RBMS2: variants seen among roughly 807,000 people sequenced by gnomAD.
RBMS2 encodes the protein RNA-binding motif, single-stranded-interacting protein 2.
RBMS2 carries 38 observed loss-of-function variants against 58.4 expected under a neutral mutation model. The ratio of observed to expected loss-of-function variants is 0.65; its 90% CI spans 0.50 to 0.85. The LOEUF is 0.85. Among genes scored for constraint, RBMS2 ranks in the 40% least tolerant of loss-of-function variants. The pLI is 0.00. For synonymous variants in RBMS2, 151 were observed against 180.7 expected (o/e 0.84, Z 1.32); for missense variants, 367 against 503.7 (o/e 0.73, Z 2.60).
At chr12:56,549,202 C>T (rs1336352935) in intron 1 of RBMS2, among the ~76,000 whole-genome samples, 1 of 152,034 alleles carries the variant, frequency 6.6e-6, no homozygotes, top group Non-Finnish European at 1.5e-5. Flanking sequence ...ACCATGTTGA[C>T]CAGGCTGGTC....
chr12:56,551,461 G>A (rs1410380252), intron 1 of RBMS2, among the ~76,000 whole-genome samples: 2 of 152,154 alleles, frequency 1.3e-5, no homozygotes, highest in Non-Finnish European at 2.9e-5. Flanking sequence ...AAAGAAATAT[G>A]TAAAGAAATC....
chr12:56,541,214 A>G (rs767685651), intron 1 of RBMS2, among the ~76,000 whole-genome samples: 11 of 152,166 alleles, frequency 7.2e-5, no homozygotes, highest in Non-Finnish European at 1.5e-4. Context: ...TTTTTAAAAA[A>G]TTGAGTAAAC....
chr12:56,564,389 G>C (rs1880969354), intron 2 of RBMS2, among the ~76,000 whole-genome samples: 1 of 151,774 alleles, frequency 6.6e-6, no homozygotes, highest in Non-Finnish European at 1.5e-5. Flanking sequence ...TTCTTTTTAA[G>C]ACAGGATCTT....
chr12:56,549,517 CAT>C (rs1877852904), intron 1 of RBMS2, among the ~76,000 whole-genome samples: 1 of 152,088 alleles, frequency 6.6e-6, no homozygotes, highest in Admixed American at 6.6e-5. Context: ...AGACAGGAAA[CAT>C]GAAGTTTCTG....
At chr12:56,565,938 G>A (rs1381060327) in intron 2 of RBMS2, among the ~76,000 whole-genome samples, 3 of 152,144 alleles carry the variant, frequency 2.0e-5, no homozygotes, top group Non-Finnish European at 4.4e-5. Context: ...CAAAGTCTCA[G>A]CTGCTAGACC....
intron 8 of RBMS2, 28 bp downstream of exon 8, chr12:56,581,907 G>A (rs1465401139): frequency 6.2e-7 from 1 of 1,610,436 alleles, no homozygotes; most frequent in Non-Finnish European, 8.5e-7. Flanking sequence ...CAAGCCACCT[G>A]AAAATGATAA....
intron 9 of RBMS2, among the ~76,000 whole-genome samples, chr12:56,586,003 C>T (rs1884613955): frequency 6.6e-6 from 1 of 151,736 alleles, no homozygotes; most frequent in African/African-American, 2.4e-5. Flanking sequence ...GGCAACATGG[C>T]GAAACCCCGT....
chr12:56,581,376 C>T lies in RBMS2; in HGVS notation c.623-23C>T, dbSNP rs375210723. On this transcript the variant is annotated intron_variant, in intron 6 of 13. Transcript: ENST00000262031. ...GCCACATGAGGTGGGACTCAGCTGC[C>T]CATCTGCCTTCTCTCTCGGCAGCCC... The T allele has an allele frequency of 6.2e-6, 10 of 1,611,982 alleles. No individual in the cohort carries two copies. In the African/African-American group the frequency reaches 1.2e-4, roughly 19 times the overall value.
Position 56,590,337 on chromosome 12 carries a change from A to G in RBMS2, c.*1204A>G, listed in dbSNP as rs1381376308. The G allele has an allele frequency of 1.3e-5, 2 of 152,158 alleles. No individual in the cohort carries two copies. Among genetic ancestry groups the G allele is most frequent in the African/African-American group, 4.8e-5 (2 of 41,430 alleles). The allele number at this position is 152,158 out of a possible 1,614,324, so 9.4% of individuals were successfully genotyped here. A position where few individuals can be genotyped will look rare whatever the true frequency, so the allele number is the denominator to read the frequency against. On this transcript the variant is annotated 3_prime_UTR_variant, in exon 14 of 14. Coordinates refer to ENST00000262031, the MANE Select transcript of RBMS2 (RefSeq NM_002898.4). ...TTCACTCACAGACCAGGAGTTCTCA[A>G]TCAGAGGTGGTTTTGTCCCTCAGGC...
chr12:56,581,126 T>C, intron 5 of RBMS2, 58 bp from the exon 6 acceptor site: 1 of 1,377,380 alleles, frequency 7.3e-7, no homozygotes, highest in Non-Finnish European at 1.0e-6. Context: ...TCTCTTTCAA[T>C]GTGTGGAGAG....
At chr12:56,567,844 C>T (rs1298169689) in intron 2 of RBMS2, among the ~76,000 whole-genome samples, 1 of 151,934 alleles carries the variant, frequency 6.6e-6, no homozygotes, top group Non-Finnish European at 1.5e-5. Flanking sequence ...CACACACACA[C>T]AATTTTTTTT....
rs144123620 is a variant in RBMS2 at position 56,581,676 on chromosome 12, C to T, written c.733-157C>T. On this transcript the variant is annotated intron_variant, in intron 7 of 13. Transcript: ENST00000262031. ...CAGTTTGTTCTCGAGTGTGGCTTTG[C>T]GGCCTGCACAATTAGAAAAACTCTG... 2.9e-3 allele frequency: 3,274 copies of T among 1,136,160 alleles called. 15 individuals are homozygous for T. Among genetic ancestry groups the T allele is most frequent in the Middle Eastern group, 0.011 (55 of 4,972 alleles). The allele number at this position is 1,136,160 out of a possible 1,614,324, so 70.4% of individuals were successfully genotyped here.
At chr12:56,535,808 T>G (rs1038213593) in intron 1 of RBMS2, among the ~76,000 whole-genome samples, 15 of 152,200 alleles carry the variant, frequency 9.9e-5, no homozygotes, top group African/African-American at 3.6e-4. Flanking sequence ...TGACCTTCTT[T>G]TCCCCCCATA....
At chr12:56,571,659 A>G (rs756500720) in intron 4 of RBMS2, 39 bp from the exon 5 acceptor site, 2 of 1,467,984 alleles carry the variant, frequency 1.4e-6, no homozygotes, top group South Asian at 2.9e-5. Context: ...GAGAGGGATA[A>G]GAGATGTGAG....
At chr12:56,540,635 C>T (rs1428673857) in intron 1 of RBMS2, among the ~76,000 whole-genome samples, 1 of 152,176 alleles carries the variant, frequency 6.6e-6, no homozygotes, top group Admixed American at 6.6e-5. Context: ...CCACCTCAGT[C>T]TTCAGAGTAG....
intron 10 of RBMS2, 79 bp downstream of exon 10, chr12:56,587,005 C>T: frequency 1.1e-5 from 16 of 1,414,100 alleles, no homozygotes; most frequent in Non-Finnish European, 1.5e-5. Flanking sequence ...GTGGCTCACG[C>T]CTGTAATCCC....
rs1885320458 is a variant in RBMS2, at chr12:56,591,766, TTCTC to T, written c.*2639_*2642del. ...CACAGAACTCCTGATTCTGTCTTCT[TTCTC>T]TCTCTATATATATATTTTAAAATGT... On this transcript the variant is annotated 3_prime_UTR_variant, in exon 14 of 14. Transcript: ENST00000262031. 6.6e-6 allele frequency: 1 copy of T among 151,664 alleles called. No individual in the cohort carries two copies. Among genetic ancestry groups the T allele is most frequent in the South Asian group, 2.1e-4 (1 of 4,800 alleles). 9.4% of individuals were successfully genotyped at this position (151,664 alleles called of 1,614,324 possible). A position where few individuals can be genotyped will look rare whatever the true frequency, so the allele number is the denominator to read the frequency against.
intron 1 of RBMS2, among the ~76,000 whole-genome samples, chr12:56,528,847 T>C (rs900116162): frequency 1.3e-5 from 2 of 152,034 alleles, no homozygotes; most frequent in Non-Finnish European, 2.9e-5. Flanking sequence ...GTGGGAGGAT[T>C]GCTTGAGCCC....
Position 56,576,591 on chromosome 12 carries a change from T to A in RBMS2, c.543-4593T>A, listed in dbSNP as rs143076265. Among the ~76,000 whole-genome samples, 607 of 152,274 alleles carry A rather than the reference T, an allele frequency of 4.0e-3. 4 individuals carry two copies. The highest frequency in any genetic ancestry group is 0.014 in the African/African-American group (590 of 41,562). The stretch of plus-strand genomic sequence containing the variant: ...ATCTCATATCATTCTTATATTCCTT[T>A]TTTCTTCTTGAACTTGTGTTTCTAT... On this transcript the variant is annotated intron_variant, in intron 5 of 13. Transcript: ENST00000262031.
Sources: gnomAD v4.1 joint callset for allele counts (sites outside exome capture counted in the v4.1 genomes callset) on GRCh38, gnomAD v4.1.1 for gene constraint, MANE v1.5 for transcripts, NCBI Gene and HGNC (gene_info 2026-07-23, HGNC 2026-07-21) for gene names.